THEMIS: variants seen among roughly 807,000 people sequenced by gnomAD.
THEMIS encodes the protein protein THEMIS.
THEMIS carries 37 observed loss-of-function variants against 52.6 expected under a neutral mutation model. That is an observed-to-expected ratio of 0.70 (90% CI 0.54 to 0.93). The LOEUF (loss-of-function observed/expected upper bound fraction) is 0.93, where lower values mean the gene tolerates loss of function less well. Among genes scored for constraint, THEMIS ranks in the 40% least tolerant of loss-of-function variants. The pLI is 0.00. For missense variants in THEMIS, 808 were observed against 763.1 expected, an observed-to-expected ratio of 1.06 and a Z score of -0.69; for synonymous variants, 292 against 272.7, an observed-to-expected ratio of 1.07 and a Z score of -0.70.
At chr6:127,889,515 G>A (rs1780740816) in intron 1 of THEMIS, among the ~76,000 whole-genome samples, 1 of 151,872 alleles carries the variant, frequency 6.6e-6, no homozygotes, top group South Asian at 2.1e-4. Flanking sequence ...CTCTAAATTG[G>A]GCCACATATT....
At chr6:127,724,353 G>A (rs553237086) in intron 4 of THEMIS, among the ~76,000 whole-genome samples, 1 of 152,192 alleles carries the variant, frequency 6.6e-6, no homozygotes, top group East Asian at 1.9e-4. Flanking sequence ...TGAGAATTGA[G>A]AACTAAGTGT....
At chr6:127,757,218 G>A (rs575342669) in intron 4 of THEMIS, among the ~76,000 whole-genome samples, 25 of 152,134 alleles carry the variant, frequency 1.6e-4, no homozygotes, top group Non-Finnish European at 2.5e-4. Context: ...CATCTACAGC[G>A]TATTATGCCA....
intron 1 of THEMIS, among the ~76,000 whole-genome samples, chr6:127,865,329 G>T (rs769336216): frequency 1.3e-5 from 2 of 152,066 alleles, no homozygotes; most frequent in Non-Finnish European, 2.9e-5. Flanking sequence ...ATGATCCAAG[G>T]GTTTATAAGG....
At chr6:127,858,775 T>A (rs1562305100) in intron 1 of THEMIS, among the ~76,000 whole-genome samples, 1 of 152,124 alleles carries the variant, frequency 6.6e-6, no homozygotes, top group Non-Finnish European at 1.5e-5. Context: ...ATCTATTAAA[T>A]CTTTACAGAC....
At chr6:127,850,748 G>C (rs928631172) in intron 2 of THEMIS, among the ~76,000 whole-genome samples, 4 of 151,656 alleles carry the variant, frequency 2.6e-5, no homozygotes, top group African/African-American at 9.7e-5. Context: ...AGGTTGGAAG[G>C]GGGTGAGGGA....
At chr6:127,830,817 G>T (rs1198435589) in intron 2 of THEMIS, among the ~76,000 whole-genome samples, 1 of 152,144 alleles carries the variant, frequency 6.6e-6, no homozygotes, top group Non-Finnish European at 1.5e-5. Context: ...AAATGGTAAA[G>T]TTAATTTTAT....
intron 4 of THEMIS, among the ~76,000 whole-genome samples, chr6:127,765,141 C>A (rs1583249179): frequency 2.6e-5 from 4 of 152,168 alleles, no homozygotes; most frequent in Admixed American, 2.6e-4. Context: ...TATGAAAGGT[C>A]TCTTCAGACT....
chr6:127,909,274 T>C (rs186834313), intron 1 of THEMIS, among the ~76,000 whole-genome samples: 1 of 152,088 alleles, frequency 6.6e-6, no homozygotes, highest in African/African-American at 2.4e-5. Context: ...GGTGATATGG[T>C]TTGATTCTGT....
intron 4 of THEMIS, among the ~76,000 whole-genome samples, chr6:127,796,901 T>C (rs1777349089): frequency 1.3e-5 from 2 of 152,230 alleles, no homozygotes; most frequent in East Asian, 1.9e-4. Context: ...CTAGTGGTTA[T>C]TCTAACTCTG....
At chr6:127,811,549 T>C (rs1343463426) in intron 4 of THEMIS, among the ~76,000 whole-genome samples, 1 of 152,218 alleles carries the variant, frequency 6.6e-6, no homozygotes, top group Non-Finnish European at 1.5e-5. Context: ...AATCTCATCT[T>C]GATGTCCTTA....
chr6:127,813,782 C>T lies in THEMIS; in HGVS notation c.859G>A (p.Val287Ile). The T allele has an allele frequency of 6.2e-7, 1 of 1,613,950 alleles. No homozygotes were observed. The highest frequency in any genetic ancestry group is 8.5e-7 in the Non-Finnish European group (1 of 1,179,968). Residue 287 changes from valine (V) to isoleucine (I), a missense_variant, in exon 4 of 6, where the codon GTC becomes ATC. Physicochemically the swap from Val to Ile is conservative, Grantham distance 29 (BLOSUM62 3). Coordinates refer to ENST00000368248, the MANE Select transcript of THEMIS (RefSeq NM_001010923.3). ...TSKEFPIVTEVIEAPEGNHLP... is the reference protein window; with the variant it reads ...TSKEFPIVTEIIEAPEGNHLP... The stretch of plus-strand genomic sequence containing the variant: ...TGGTTTCCTTCAGGTGCTTCTATGA[C>T]TTCAGTCACTATGGGGAACTCTTTA...
At chr6:127,846,183 G>T (rs7760902) in intron 2 of THEMIS, among the ~76,000 whole-genome samples, 30,071 of 150,300 alleles carry the variant, frequency 0.2, 3,285 homozygotes, top group South Asian at 0.4. Flanking sequence ...AGACTTTACA[G>T]ATTTAGTTCA....
At chr6:127,792,850 T>C (rs1386488322) in intron 4 of THEMIS, among the ~76,000 whole-genome samples, 6 of 152,230 alleles carry the variant, frequency 3.9e-5, no homozygotes, top group Non-Finnish European at 8.8e-5. Flanking sequence ...AAAGCACTTC[T>C]GTGAGCAGAA....
the THEMIS span, among the ~76,000 whole-genome samples, chr6:127,701,988 T>C: frequency 1.3e-5 from 2 of 152,114 alleles, no homozygotes; most frequent in African/African-American, 4.8e-5. Context: ...TCTGTAATTA[T>C]TTTTTAATAT....
At chr6:127,858,182 G>T (rs1242320462) in intron 1 of THEMIS, among the ~76,000 whole-genome samples, 1 of 152,008 alleles carries the variant, frequency 6.6e-6, no homozygotes, top group Non-Finnish European at 1.5e-5. Context: ...AGAAGCCAGA[G>T]AATTCTATAA....
chr6:127,807,930 A>G (rs1050931127), intron 4 of THEMIS, among the ~76,000 whole-genome samples: 4 of 151,990 alleles, frequency 2.6e-5, no homozygotes, highest in Admixed American at 6.6e-5. Context: ...TTCTCTGTGC[A>G]CTCCCCAGGA....
chr6:127,881,259 A>G (rs1780477118), intron 1 of THEMIS, among the ~76,000 whole-genome samples: 1 of 152,050 alleles, frequency 6.6e-6, no homozygotes, highest in African/African-American at 2.4e-5. Flanking sequence ...TTAAAGTTAA[A>G]TAATTGACCA....
chr6:127,806,013 T>C (rs1368697470), intron 4 of THEMIS, among the ~76,000 whole-genome samples: 1 of 151,934 alleles, frequency 6.6e-6, no homozygotes, highest in Non-Finnish European at 1.5e-5. Context: ...GAAAGGAACA[T>C]AAATATCTAG....
chr6:127,890,890 C>A (rs181974712), intron 1 of THEMIS, among the ~76,000 whole-genome samples: 5 of 151,864 alleles, frequency 3.3e-5, no homozygotes, highest in African/African-American at 1.2e-4. Context: ...TAGAGAAATA[C>A]ATGTATGGAA....
Sources: allele counts gnomAD v4.1 joint callset (sites outside exome capture counted in the v4.1 genomes callset), GRCh38; gene constraint gnomAD v4.1.1; transcripts MANE v1.5; gene names NCBI Gene and HGNC (gene_info 2026-07-23, HGNC 2026-07-21).